HS6ST2: variants seen among roughly 807,000 people sequenced by gnomAD.
HS6ST2 encodes the protein heparan sulfate 6-O-sulfotransferase 2, also known as heparan-sulfate 6-O-sulfotransferase 2.
In HS6ST2, 17 loss-of-function variants were observed where a neutral mutation model predicts 33.0. That is an observed-to-expected ratio of 0.52 (90% confidence interval 0.35 to 0.77). HS6ST2 has a LOEUF of 0.77. Among genes scored for constraint, HS6ST2 ranks in the 30% least tolerant of loss-of-function variants. The pLI is 0.01. For synonymous variants in HS6ST2, 248 were observed against 237.1 expected (o/e 1.05, Z -0.42); for missense variants, 519 against 551.7 (o/e 0.94, Z 0.59).
At chrX:132,932,103 G>A (rs1044236828) in intron 2 of HS6ST2, among the ~76,000 whole-genome samples, 3 of 107,342 alleles carry the variant, frequency 2.8e-5, no homozygotes, top group East Asian at 3.0e-4. Flanking sequence ...GGAGAATGGC[G>A]TGAACCCGGG....
At chrX:132,865,379 G>A (rs2065962510) in intron 2 of HS6ST2, among the ~76,000 whole-genome samples, 1 of 110,410 alleles carries the variant, frequency 9.1e-6, no homozygotes, top group Non-Finnish European at 1.9e-5. Flanking sequence ...GTCTATCATT[G>A]TTGGACATCT....
chrX:132,935,881 C>T (rs1457294682), intron 2 of HS6ST2, among the ~76,000 whole-genome samples: 1 of 109,478 alleles, frequency 9.1e-6, no homozygotes. Context: ...AAAATATAGG[C>T]ATTTACAACT....
chrX:132,873,801 G>A (rs2066085826), intron 2 of HS6ST2, among the ~76,000 whole-genome samples: 1 of 111,428 alleles, frequency 9.0e-6, no homozygotes, highest in African/African-American at 3.3e-5. Context: ...TATACTGAAT[G>A]AGCAGCAACA....
At chrX:132,840,524 T>G (rs2065698772) in intron 2 of HS6ST2, among the ~76,000 whole-genome samples, 2 of 111,123 alleles carry the variant, frequency 1.8e-5, no homozygotes, top group Admixed American at 1.9e-4. Context: ...ATTGGGATTT[T>G]AAAAGCCTGT....
At chrX:132,807,575 T>C (rs1023469996) in intron 2 of HS6ST2, among the ~76,000 whole-genome samples, 3 of 111,186 alleles carry the variant, frequency 2.7e-5, no homozygotes, top group African/African-American at 9.8e-5. Flanking sequence ...ATGCTCTTTA[T>C]CGAGCTCAGG....
At chrX:132,798,835 C>T (rs2065209825) in intron 2 of HS6ST2, among the ~76,000 whole-genome samples, 1 of 111,556 alleles carries the variant, frequency 9.0e-6, no homozygotes, top group African/African-American at 3.3e-5. Context: ...GACAGAGTTA[C>T]ATACCTTCAC....
chrX:132,883,352 C>T (rs1488619088), intron 2 of HS6ST2, among the ~76,000 whole-genome samples: 1 of 111,090 alleles, frequency 9.0e-6, no homozygotes, highest in Non-Finnish European at 1.9e-5. Flanking sequence ...CTGGTTTAGT[C>T]TTGGGAGGGT....
chrX:132,886,154 A>G (rs2066249499), intron 2 of HS6ST2, among the ~76,000 whole-genome samples: 1 of 112,148 alleles, frequency 8.9e-6, no homozygotes, highest in South Asian at 3.7e-4. Context: ...AAATATGTTC[A>G]CCACAGAACT....
chrX:132,860,344 A>C (rs1056053758), intron 2 of HS6ST2, among the ~76,000 whole-genome samples: 2 of 112,226 alleles, frequency 1.8e-5, no homozygotes, highest in Non-Finnish European at 3.8e-5. Context: ...AACTCAGTTT[A>C]ATTTGCCACA....
intron 2 of HS6ST2, among the ~76,000 whole-genome samples, chrX:132,711,064 C>T: frequency 8.9e-6 from 1 of 111,916 alleles, no homozygotes; most frequent in African/African-American, 3.2e-5. Flanking sequence ...GAATAACCTT[C>T]CTCTGAGCCA....
intron 2 of HS6ST2, among the ~76,000 whole-genome samples, chrX:132,935,230 T>G (rs2066811782): frequency 4.5e-3 from 2 of 446 alleles, no homozygotes; most frequent in Non-Finnish European, 8.8e-3. Flanking sequence ...GAAATAGAAG[T>G]CTAAACAGCA....
At chrX:132,648,038 A>G (rs915820255) in intron 4 of HS6ST2, among the ~76,000 whole-genome samples, 4 of 112,234 alleles carry the variant, frequency 3.6e-5, no homozygotes, top group Non-Finnish European at 7.5e-5. Context: ...TGGCTGTAAT[A>G]ACTAAATGAA....
chrX:132,911,845 G>T (rs915853996), intron 2 of HS6ST2, among the ~76,000 whole-genome samples: 4 of 110,804 alleles, frequency 3.6e-5, no homozygotes, highest in Non-Finnish European at 7.5e-5. Flanking sequence ...CACTGTGTTA[G>T]CCAGGATGGT....
At chrX:132,959,455 G>A (rs771005593), upstream of HS6ST2, among the ~76,000 whole-genome samples, 8 of 111,859 alleles carry the variant, frequency 7.2e-5, no homozygotes, top group African/African-American at 1.6e-4. Flanking sequence ...CTACAGAAGG[G>A]GCACCGGTTG....
chrX:132,731,574 G>A (rs938663093), intron 2 of HS6ST2, among the ~76,000 whole-genome samples: 4 of 110,849 alleles, frequency 3.6e-5, no homozygotes, highest in Non-Finnish European at 5.7e-5. Flanking sequence ...CAGGCCAGGC[G>A]CAGTGGCTCA....
intron 2 of HS6ST2, among the ~76,000 whole-genome samples, chrX:132,716,187 C>A (rs1316545421): frequency 9.0e-6 from 1 of 111,711 alleles, no homozygotes; most frequent in East Asian, 2.8e-4. Context: ...AAAAATTTCC[C>A]ATTTTGGCAT....
intron 2 of HS6ST2, among the ~76,000 whole-genome samples, chrX:132,925,599 A>T (rs934684239): frequency 8.9e-6 from 1 of 111,804 alleles, no homozygotes; most frequent in Non-Finnish European, 1.9e-5. Flanking sequence ...ACACATTTTG[A>T]TGACCAGAAG....
chrX:132,646,145 T>C (rs1044473795), intron 4 of HS6ST2, among the ~76,000 whole-genome samples: 3 of 112,023 alleles, frequency 2.7e-5, no homozygotes, highest in Non-Finnish European at 5.6e-5. Context: ...AACACCATAA[T>C]GGGACAGGCA....
At chrX:132,928,048 G>A (rs1297395584) in intron 2 of HS6ST2, among the ~76,000 whole-genome samples, 1 of 109,991 alleles carries the variant, frequency 9.1e-6, no homozygotes, top group African/African-American at 3.3e-5. Flanking sequence ...GAAGGTGAAA[G>A]GGTAGCAGGC....
Sources: allele counts gnomAD v4.1 joint callset (sites outside exome capture counted in the v4.1 genomes callset), GRCh38; gene constraint gnomAD v4.1.1; transcripts MANE v1.5; gene names NCBI Gene and HGNC (gene_info 2026-07-23, HGNC 2026-07-21).